Variants in PPWD1 observed in about 807,000 individuals in gnomAD.
PPWD1 encodes the protein peptidylprolyl isomerase domain and WD repeat-containing protein 1.
Under a neutral mutation model 68.8 loss-of-function variants are expected in PPWD1, and 43 were observed. The observed-to-expected ratio is 0.62, with a 90% CI of 0.49 to 0.81. PPWD1 has a LOEUF of 0.81. Ranked by LOEUF, PPWD1 falls within the 30% of genes least tolerant of loss-of-function variation. The pLI is 0.00. For missense variants in PPWD1, 672 were observed against 804.8 expected, an observed-to-expected ratio of 0.83 and a Z score of 2.00; for synonymous variants, 232 against 258.7, an observed-to-expected ratio of 0.90 and a Z score of 0.99.
intron 6 of PPWD1, 94 bp from the exon 7 acceptor site, chr5:65,579,330 T>C: frequency 7.3e-7 from 1 of 1,375,696 alleles, no homozygotes; most frequent in African/African-American, 1.5e-5. Context: ...TGTACATAGA[T>C]AAGATAGTTG....
chr5:65,565,340 A>G (rs546485823), intron 1 of PPWD1, among the ~76,000 whole-genome samples: 9 of 152,194 alleles, frequency 5.9e-5, no homozygotes, highest in Non-Finnish European at 7.3e-5. Flanking sequence ...TATTTTTGCA[A>G]GTTCTTTTTT....
chr5:65,581,719 ATATT>A (rs750385666), intron 7 of PPWD1, among the ~76,000 whole-genome samples: 11 of 152,244 alleles, frequency 7.2e-5, no homozygotes, highest in Non-Finnish European at 1.6e-4. Flanking sequence ...CAAAGTATAT[ATATT>A]CATTATAAAG....
At position 65,587,483 on chromosome 5, in the gene PPWD1, A is replaced by G. The variant is rs898388015; in HGVS notation, c.*87A>G. ...TTAGGAAGCTTAGGACTTGCTGAATATACAGATCATGTTTCAAAGATACAG... is the reference window on the plus strand; with the variant it reads ...TTAGGAAGCTTAGGACTTGCTGAATGTACAGATCATGTTTCAAAGATACAG... On this transcript the variant is annotated 3_prime_UTR_variant, in exon 11 of 11. Coordinates refer to ENST00000261308, the MANE Select transcript of PPWD1 (RefSeq NM_015342.4). The G allele has an allele frequency of 3.5e-5, 35 of 1,013,866 alleles. No homozygotes were observed. The highest frequency in any genetic ancestry group is 4.6e-5 in the Non-Finnish European group (34 of 740,146). 62.8% of individuals were successfully genotyped at this position (1,013,866 alleles called of 1,614,324 possible). A position where few individuals can be genotyped will look rare whatever the true frequency, so the allele number is the denominator to read the frequency against.
intron 8 of PPWD1, among the ~76,000 whole-genome samples, chr5:65,584,221 T>G (rs535484911): frequency 1.9e-4 from 29 of 152,148 alleles, no homozygotes; most frequent in Admixed American, 1.5e-3. Context: ...CAGTCTCACT[T>G]TAAGTGCTCA....
At chr5:65,570,279 T>C in intron 4 of PPWD1, 1 of 903,254 alleles carries the variant, frequency 1.1e-6, no homozygotes, top group Non-Finnish European at 1.3e-6. Context: ...AGCTCTGTCA[T>C]ATCTAATTAC....
chr5:65,571,577 A>G (rs1323728569), intron 4 of PPWD1, among the ~76,000 whole-genome samples: 1 of 152,212 alleles, frequency 6.6e-6, no homozygotes, highest in Non-Finnish European at 1.5e-5. Context: ...CCCAAGAGAA[A>G]TAAGTGTGCT....
rs781576457 is a variant in PPWD1 at position 65,586,058 on chromosome 5, GGGA to G, written c.1679_1681del (p.Gly560del). ...CTGGTATGGGAGGAGAAAGCATATG[GGGA>G]GGAGAATTTGAAGATGAATTTCATT... On this transcript the variant is annotated inframe_deletion, in exon 10 of 11. Transcript: ENST00000261308. 1 of 1,613,730 alleles carries G rather than the reference GGGA, an allele frequency of 6.2e-7. No individual in the cohort carries two copies. Among genetic ancestry groups the G allele is most frequent in the South Asian group, 1.1e-5 (1 of 91,068 alleles).
At chr5:65,585,921 C>G (rs1753821659) in intron 9 of PPWD1, 78 bp from the exon 10 acceptor site, 4 of 1,548,234 alleles carry the variant, frequency 2.6e-6, no homozygotes, top group Non-Finnish European at 3.5e-6. Context: ...ATACAAAGCA[C>G]TCTTGGCAGA....
chr5:65,567,463 T>C, intron 1 of PPWD1, 50 bp from the exon 2 acceptor site: 1 of 1,525,674 alleles, frequency 6.6e-7, no homozygotes, highest in South Asian at 1.3e-5. Flanking sequence ...AAAATAGTAT[T>C]TGGTTTATTT....
At chr5:65,573,476 T>TATATA (rs201295161) in intron 5 of PPWD1, among the ~76,000 whole-genome samples, 48 of 59,622 alleles carry the variant, frequency 8.1e-4, no homozygotes, top group South Asian at 1.4e-3. Flanking sequence ...TATATATATA[T>TATATA]TTTTTTTTTA....
chr5:65,565,994 A>G (rs1013358488), intron 1 of PPWD1, among the ~76,000 whole-genome samples: 3 of 152,206 alleles, frequency 2.0e-5, no homozygotes, highest in African/African-American at 4.8e-5. Flanking sequence ...GGACTGTTGT[A>G]TATATTTTCA....
chr5:65,574,715 G>C (rs935666559), intron 5 of PPWD1, among the ~76,000 whole-genome samples: 4 of 151,778 alleles, frequency 2.6e-5, no homozygotes, highest in Admixed American at 6.6e-5. Flanking sequence ...CACCCGCCTC[G>C]GCCTCCCAAA....
intron 5 of PPWD1, among the ~76,000 whole-genome samples, chr5:65,573,531 T>G (rs1045663900): frequency 2.1e-5 from 1 of 47,336 alleles, no homozygotes; most frequent in African/African-American, 9.2e-5. Context: ...TTTTTTTTTT[T>G]TTTTTTTTTT....
intron 1 of PPWD1, 169 bp from the exon 2 acceptor site, chr5:65,567,344 C>T (rs574883247): frequency 1.2e-4 from 86 of 705,608 alleles, no homozygotes; most frequent in Admixed American, 1.2e-3. Flanking sequence ...AAATAATAGA[C>T]GTTAAAACTG....
intron 4 of PPWD1, chr5:65,570,494 A>C (rs1167022329): frequency 3.6e-6 from 1 of 278,222 alleles, no homozygotes; most frequent in East Asian, 1.7e-4. Flanking sequence ...GATAACATAG[A>C]ATTTATACAC....
chr5:65,568,902 G>A (rs1561722439), intron 2 of PPWD1: 2 of 454,918 alleles, frequency 4.4e-6, no homozygotes, highest in Non-Finnish European at 4.4e-6. Flanking sequence ...TTTTTGTTTT[G>A]TTTTTTTAAC....
Position 65,583,163 on chromosome 5 carries a change from C to T in PPWD1, c.1476C>T (p.Asp492=). 1 of 1,613,212 alleles carries T rather than the reference C, an allele frequency of 6.2e-7. No individual in the cohort carries two copies. The highest frequency in any genetic ancestry group is 8.5e-7 in the Non-Finnish European group (1 of 1,179,662). The part of the protein sequence containing the change: ...TQAEGPKRVS[D]SAIIHTSMGD... ...CTGAAGGACCTAAACGAGTTTCGGA[C>T]AGTGCCATTATCCACACCAGCATGG... Residue 492 remains aspartate (D), a synonymous_variant, in exon 8 of 11, where the codon GAC becomes GAT. Coordinates refer to ENST00000261308, the MANE Select transcript of PPWD1 (RefSeq NM_015342.4).
At position 65,563,309 on chromosome 5, in the gene PPWD1, AC is replaced by A; in HGVS notation, c.-1del. ...CGCGCCTTTTCTGACGATGCGAACA[AC>A]ATGGCGGCGGAAAGTGGTAGCGATT... is the stretch of plus-strand genomic sequence containing the variant. On this transcript the variant is annotated 5_prime_UTR_variant, in exon 1 of 11. Transcript: ENST00000261308. The A allele has an allele frequency of 6.2e-7, 1 of 1,612,528 alleles. No individual in the cohort carries two copies. The highest frequency in any genetic ancestry group is 8.5e-7 in the Non-Finnish European group (1 of 1,179,272).
At chr5:65,577,178 C>A in intron 6 of PPWD1, 109 bp downstream of exon 6, 1 of 1,440,622 alleles carries the variant, frequency 6.9e-7, no homozygotes. Flanking sequence ...GTGGAATGGC[C>A]CCAAATGTCT....
Sources: allele counts gnomAD v4.1 joint callset (sites outside exome capture counted in the v4.1 genomes callset), GRCh38; gene constraint gnomAD v4.1.1; transcripts MANE v1.5; gene names NCBI Gene and HGNC (gene_info 2026-07-23, HGNC 2026-07-21).